Variants in SCN9A observed in about 807,000 individuals in gnomAD.
SCN9A encodes sodium channel protein type 9 subunit alpha.
Under a neutral mutation model 187.0 loss-of-function variants are expected in SCN9A, and 131 were observed. The ratio of observed to expected loss-of-function variants is 0.70; its 90% confidence interval spans 0.61 to 0.81. The LOEUF (loss-of-function observed/expected upper bound fraction) is 0.81, where lower values mean the gene tolerates loss of function less well. SCN9A is among the 30% of genes least tolerant of loss of function. The probability of loss-of-function intolerance (pLI) is 0.00; values close to 1 mark genes in which losing one functional copy is unlikely to be tolerated. For missense variants in SCN9A, 2,252 were observed against 2,396.6 expected, an observed-to-expected ratio of 0.94 and a Z score of 1.26; for synonymous variants, 809 against 808.6, an observed-to-expected ratio of 1.00 and a Z score of -0.01.
intron 20 of SCN9A, among the ~76,000 whole-genome samples, chr2:166,234,296 C>A (rs954406298): frequency 6.6e-6 from 1 of 152,096 alleles, no homozygotes; most frequent in African/African-American, 2.4e-5. Context: ...TGAATTAGTT[C>A]CATGGAAAAT....
intron 1 of SCN9A, among the ~76,000 whole-genome samples, chr2:166,324,276 G>C (rs1350683078): frequency 1.3e-5 from 2 of 151,602 alleles, no homozygotes; most frequent in African/African-American, 2.4e-5. Context: ...CTGAACCAGA[G>C]AGCGGGACTC....
rs192898322 is a variant in SCN9A at position 166,251,677 on chromosome 2, C to T, written c.3472+88G>A. The T allele has an allele frequency of 2.7e-5, 38 of 1,430,718 alleles. No homozygotes were observed. The East Asian group carries it at 7.6e-4, about 28-fold the overall frequency. The allele number at this position is 1,430,718 out of a possible 1,614,324, so 88.6% of individuals were successfully genotyped here. A position where few individuals can be genotyped will look rare whatever the true frequency, so the allele number is the denominator to read the frequency against. On this transcript the variant is annotated intron_variant, in intron 18 of 26. Coordinates refer to ENST00000642356, the MANE Select transcript of SCN9A (RefSeq NM_001365536.1). ...CATGGAATGGAGTCTTCTGACTTAC[C>T]GACAACCTCTGGTAAGTATTAGGCG...
chr2:166,251,126 T>C (rs539772659), intron 18 of SCN9A, among the ~76,000 whole-genome samples: 86 of 152,172 alleles, frequency 5.7e-4, no homozygotes, highest in African/African-American at 1.9e-3. Flanking sequence ...GACATTGATG[T>C]TAAGAGTCAA....
intron 11 of SCN9A, 82 bp downstream of exon 11, chr2:166,286,254 C>T (rs1231998153): frequency 1.5e-6 from 2 of 1,345,070 alleles, no homozygotes; most frequent in Non-Finnish European, 2.0e-6. Context: ...CTATCCTCTC[C>T]CGAGTTCTCT....
At chr2:166,298,566 C>T (rs1698417914) in intron 7 of SCN9A, 1 of 152,174 alleles carries the variant, frequency 6.6e-6, no homozygotes, top group Non-Finnish European at 1.5e-5. Context: ...TTAGATTATG[C>T]TCAGGTTCTC....
rs762981144 is a variant in SCN9A at position 166,288,576 on chromosome 2, T to C, written c.1175A>G (p.Tyr392Cys). 2 of 1,612,320 alleles carry C rather than the reference T, an allele frequency of 1.2e-6. No homozygotes were observed. The highest frequency in any genetic ancestry group is 1.7e-4 in the Middle Eastern group (1 of 6,056). ...CACAGCCAGGATCAAGTTTATTAGA[T>C]AAAAGGAGCCCAGGAAAATCACTAC... ...FVVVIFLGSF[Y>C]LINLILAVVA... Residue 392 changes from tyrosine (Y) to cysteine (C), a missense_variant, in exon 10 of 27, where the codon TAT becomes TGT. Coordinates refer to ENST00000642356, the MANE Select transcript of SCN9A (RefSeq NM_001365536.1).
intron 21 of SCN9A, among the ~76,000 whole-genome samples, chr2:166,229,337 T>C (rs534613145): frequency 6.6e-6 from 1 of 151,808 alleles, no homozygotes; most frequent in East Asian, 1.9e-4. Context: ...ACTTGTAAAA[T>C]CTGTACACTC....
At chr2:166,231,724 TG>T (rs1695094889) in intron 21 of SCN9A, among the ~76,000 whole-genome samples, 1 of 151,882 alleles carries the variant, frequency 6.6e-6, no homozygotes, top group Admixed American at 6.6e-5. Context: ...GGTAATTTTT[TG>T]CATTTTTAGT....
Position 166,278,195 on chromosome 2 carries a change from A to G in SCN9A, c.2462T>C (p.Val821Ala). 1.2e-6 allele frequency: 2 copies of G among 1,613,288 alleles called. No individual in the cohort carries two copies. Among genetic ancestry groups the G allele is most frequent in the East Asian group, 2.2e-5 (1 of 44,808 alleles). The change falls in exon 15 of 27, where the codon GTG becomes GCG. Residue 821 changes from valine to alanine, a missense_variant. Around this residue, in one of 7 missense-constraint regions of SCN9A, gnomAD observed 1,013 missense variants for 997.4 expected, o/e 1.02. Transcript: ENST00000642356. ...FDSLIVTLSL[V>A]ELFLADVEGL... ...TTCCACATCTGCTAGAAAGAGCTCC[A>G]CTAAACTTAAAGTCACAATAAGGCT...
intron 1 of SCN9A, among the ~76,000 whole-genome samples, chr2:166,316,061 T>C (rs1250243365): frequency 6.6e-6 from 1 of 152,176 alleles, no homozygotes; most frequent in Non-Finnish European, 1.5e-5. Flanking sequence ...ATGCTAGATT[T>C]AATCTCATAA....
chr2:166,243,661 C>G (rs1345015425), intron 18 of SCN9A, among the ~76,000 whole-genome samples: 3 of 151,770 alleles, frequency 2.0e-5, no homozygotes, highest in East Asian at 1.9e-4. Flanking sequence ...AGAATGTACA[C>G]AAGAGGCAAG....
intron 1 of SCN9A, among the ~76,000 whole-genome samples, chr2:166,344,748 G>A (rs1699862138): frequency 6.6e-6 from 1 of 151,944 alleles, no homozygotes; most frequent in Admixed American, 6.6e-5. Flanking sequence ...TGCAAACAGG[G>A]AAAGAAAAAA....
intron 1 of SCN9A, among the ~76,000 whole-genome samples, chr2:166,331,923 T>C (rs986519536): frequency 2.0e-5 from 3 of 152,170 alleles, no homozygotes; most frequent in African/African-American, 7.2e-5. Context: ...CTATCCAATA[T>C]CCAATCTTCC....
At chr2:166,327,017 G>A (rs1699380418) in intron 1 of SCN9A, among the ~76,000 whole-genome samples, 1 of 152,116 alleles carries the variant, frequency 6.6e-6, no homozygotes, top group Admixed American at 6.6e-5. Flanking sequence ...GAAACCCCTT[G>A]ACAAAACTTT....
At chr2:166,324,769 T>C (rs2105252735) in intron 1 of SCN9A, among the ~76,000 whole-genome samples, 1 of 152,142 alleles carries the variant, frequency 6.6e-6, no homozygotes, top group African/African-American at 2.4e-5. Context: ...TTCTACAAAA[T>C]ACCTAACCTA....
intron 1 of SCN9A, among the ~76,000 whole-genome samples, chr2:166,366,987 GAT>G (rs1700432558): frequency 6.6e-6 from 1 of 152,174 alleles, no homozygotes; most frequent in Non-Finnish European, 1.5e-5. Flanking sequence ...AACTGACTTA[GAT>G]AATTGAGTCT....
chr2:166,364,873 G>T (rs1416686355), intron 1 of SCN9A, among the ~76,000 whole-genome samples: 1 of 152,032 alleles, frequency 6.6e-6, no homozygotes, highest in Non-Finnish European at 1.5e-5. Flanking sequence ...ATTCACTAGC[G>T]TGTTTTGAGA....
intron 10 of SCN9A, among the ~76,000 whole-genome samples, chr2:166,287,950 A>G (rs1697848739): frequency 1.4e-5 from 2 of 147,808 alleles, no homozygotes; most frequent in East Asian, 3.9e-4. Context: ...GTATGTGTGT[A>G]TATATATACA....
chr2:166,308,668 T>C (rs1698837940), intron 2 of SCN9A, among the ~76,000 whole-genome samples: 1 of 152,032 alleles, frequency 6.6e-6, no homozygotes, highest in African/African-American at 2.4e-5. Flanking sequence ...CACGCCTGTG[T>C]TCCCAGCACT....
Sources: allele counts gnomAD v4.1 joint callset (sites outside exome capture counted in the v4.1 genomes callset), GRCh38; gene constraint gnomAD v4.1.1; regional missense constraint gnomAD v4.1.1; transcripts MANE v1.5; gene names NCBI Gene and HGNC (gene_info 2026-07-23, HGNC 2026-07-21).